SHISA9: variants seen among roughly 807,000 people sequenced by gnomAD.
The protein encoded by SHISA9 is protein shisa-9.
Under a neutral mutation model 38.0 loss-of-function variants are expected in SHISA9, and 13 were observed. That is an observed-to-expected ratio of 0.34 (90% CI 0.22 to 0.54). The LOEUF (loss-of-function observed/expected upper bound fraction) is 0.54. Ranked by LOEUF, SHISA9 falls within the 20% of genes least tolerant of loss-of-function variation. The pLI is 0.91. For synonymous variants in SHISA9, 275 were observed against 242.0 expected, an observed-to-expected ratio of 1.14 and a Z score of -1.27; for missense variants, 538 against 575.8, an observed-to-expected ratio of 0.93 and a Z score of 0.67.
At chr16:12,985,598 A>C (rs2072297837) in intron 2 of SHISA9, among the ~76,000 whole-genome samples, 2 of 152,164 alleles carry the variant, frequency 1.3e-5, no homozygotes, top group Non-Finnish European at 2.9e-5. Context: ...AATAAAAGTA[A>C]TGTTGAGTAC....
chr16:13,419,034 T>C, the SHISA9 span, among the ~76,000 whole-genome samples: 1 of 152,216 alleles, frequency 6.6e-6, no homozygotes, highest in Non-Finnish European at 1.5e-5. Flanking sequence ...TTTAGTAAAA[T>C]GTGGATATTT....
At chr16:13,045,928 C>G (rs1017968641) in intron 2 of SHISA9, among the ~76,000 whole-genome samples, 3 of 152,158 alleles carry the variant, frequency 2.0e-5, no homozygotes, top group Admixed American at 6.5e-5. Context: ...GACGAGTCTG[C>G]AGAGCATGGA....
At chr16:12,946,611 T>G (rs969593963) in intron 2 of SHISA9, among the ~76,000 whole-genome samples, 4 of 152,224 alleles carry the variant, frequency 2.6e-5, no homozygotes, top group Non-Finnish European at 5.9e-5. Flanking sequence ...TGGTCCTGAT[T>G]TGAGGCAAGT....
chr16:13,352,206 G>A, the SHISA9 span, among the ~76,000 whole-genome samples: 2 of 152,178 alleles, frequency 1.3e-5, no homozygotes, highest in African/African-American at 2.4e-5. Flanking sequence ...AGCCACAGGA[G>A]GGCAGAATAT....
At chr16:13,015,968 T>TCCCCTCCCCTC (rs2072749879) in intron 2 of SHISA9, among the ~76,000 whole-genome samples, 1 of 40,140 alleles carries the variant, frequency 2.5e-5, no homozygotes, top group East Asian at 6.5e-4. Context: ...TCCCTTCCCT[T>TCCCCTCCCCTC]CCCTTCCCTT....
chr16:13,179,695 C>T (rs2050761295), intron 2 of SHISA9, among the ~76,000 whole-genome samples: 1 of 152,168 alleles, frequency 6.6e-6, no homozygotes, highest in African/African-American at 2.4e-5. Context: ...CCAATTTGTT[C>T]TATCAATTAA....
chr16:13,378,118 G>C, the SHISA9 span, among the ~76,000 whole-genome samples: 5 of 152,182 alleles, frequency 3.3e-5, no homozygotes, highest in East Asian at 7.7e-4. Flanking sequence ...GCAGAGCTAG[G>C]ATAGATGATG....
At chr16:13,482,024 C>T in the SHISA9 span, among the ~76,000 whole-genome samples, 1 of 152,176 alleles carries the variant, frequency 6.6e-6, no homozygotes, top group Non-Finnish European at 1.5e-5. Flanking sequence ...GGTACTTGAG[C>T]TGAATGTCTT....
At chr16:13,282,201 C>T in the SHISA9 span, among the ~76,000 whole-genome samples, 2 of 151,870 alleles carry the variant, frequency 1.3e-5, no homozygotes, top group African/African-American at 2.4e-5. Context: ...ATGTATTCTT[C>T]CAGGTATGAT....
chr16:13,306,852 C>G, the SHISA9 span, among the ~76,000 whole-genome samples: 1 of 152,168 alleles, frequency 6.6e-6, no homozygotes, highest in Non-Finnish European at 1.5e-5. Context: ...CATATCTTAA[C>G]ACACACACCC....
intron 2 of SHISA9, among the ~76,000 whole-genome samples, chr16:13,154,108 T>C (rs1307620316): frequency 1.3e-5 from 2 of 152,196 alleles, no homozygotes; most frequent in Non-Finnish European, 2.9e-5. Flanking sequence ...GCACCTATCA[T>C]GTGCTGAGTT....
chr16:13,420,552 G>C, the SHISA9 span, among the ~76,000 whole-genome samples: 1 of 152,140 alleles, frequency 6.6e-6, no homozygotes, highest in African/African-American at 2.4e-5. Flanking sequence ...AAAAGTGGGG[G>C]ATGGGGGGTA....
chr16:13,037,019 T>G (rs1428051795), intron 2 of SHISA9, among the ~76,000 whole-genome samples: 1 of 151,754 alleles, frequency 6.6e-6, no homozygotes, highest in African/African-American at 2.4e-5. Context: ...GGCATTGTTC[T>G]CAATGTAATT....
intron 2 of SHISA9, among the ~76,000 whole-genome samples, chr16:13,147,042 G>A (rs548375752): frequency 7.2e-5 from 11 of 152,334 alleles, no homozygotes; most frequent in Non-Finnish European, 1.3e-4. Context: ...GAATGAGTGA[G>A]TATAGTATAA....
intron 2 of SHISA9, among the ~76,000 whole-genome samples, chr16:12,925,102 A>G (rs2071376755): frequency 6.6e-6 from 1 of 152,232 alleles, no homozygotes. Context: ...TTCATTGTGC[A>G]GTTGTCTTCA....
intron 2 of SHISA9, among the ~76,000 whole-genome samples, chr16:12,961,613 C>G (rs1567353716): frequency 6.6e-6 from 1 of 152,060 alleles, no homozygotes; most frequent in Non-Finnish European, 1.5e-5. Context: ...AGTTTTTCAG[C>G]TGAAGAAAGA....
the SHISA9 span, among the ~76,000 whole-genome samples, chr16:13,513,045 A>T: frequency 6.6e-6 from 1 of 152,218 alleles, no homozygotes; most frequent in South Asian, 2.1e-4. Context: ...TGCACAGCAA[A>T]AGAAACTAGC....
At chr16:13,266,484 A>G in the SHISA9 span, among the ~76,000 whole-genome samples, 12 of 152,138 alleles carry the variant, frequency 7.9e-5, no homozygotes, top group African/African-American at 2.9e-4. Flanking sequence ...TGTCCAGGCT[A>G]GAGGGAGCTA....
chr16:13,431,269 C>T, the SHISA9 span, among the ~76,000 whole-genome samples: 2 of 152,192 alleles, frequency 1.3e-5, no homozygotes, highest in Non-Finnish European at 2.9e-5. Context: ...CAGTTGTTCA[C>T]CTTTGTAGCC....
Sources: gnomAD v4.1 joint callset for allele counts (sites outside exome capture counted in the v4.1 genomes callset) on GRCh38, gnomAD v4.1.1 for gene constraint, MANE v1.5 for transcripts, NCBI Gene and HGNC (gene_info 2026-07-23, HGNC 2026-07-21) for gene names.